TRAPPC9: variants seen among roughly 807,000 people sequenced by gnomAD.
TRAPPC9 encodes IKK2 binding protein.
Under a neutral mutation model 124.0 loss-of-function variants are expected in TRAPPC9, and 83 were observed. The ratio of observed to expected loss-of-function variants is 0.67; its 90% CI spans 0.56 to 0.80. The LOEUF (loss-of-function observed/expected upper bound fraction) is 0.80. TRAPPC9 is among the 30% of genes least tolerant of loss of function. The pLI is 0.00. For synonymous variants in TRAPPC9, 638 were observed against 617.5 expected (o/e 1.03, Z -0.49); for missense variants, 1,302 against 1,508.3 (o/e 0.86, Z 2.27).
At chr8:139,739,528 C>G (rs1314929176) in intron 21 of TRAPPC9, among the ~76,000 whole-genome samples, 2 of 152,246 alleles carry the variant, frequency 1.3e-5, no homozygotes, top group African/African-American at 4.8e-5. Flanking sequence ...CGCCACTGCT[C>G]CCTGGCCATC....
chr8:139,988,631 G>C, intron 19 of TRAPPC9, 95 bp downstream of exon 19: 1 of 817,342 alleles, frequency 1.2e-6, no homozygotes, highest in South Asian at 1.4e-5. Context: ...CCCATCCTCT[G>C]AGGACTTGGG....
At chr8:139,970,790 C>G (rs568184344) in intron 19 of TRAPPC9, among the ~76,000 whole-genome samples, 1 of 152,148 alleles carries the variant, frequency 6.6e-6, no homozygotes, top group Non-Finnish European at 1.5e-5. Context: ...GCCTGCAATG[C>G]GCAGCCCAGT....
At chr8:139,895,658 G>A (rs1014045649) in intron 20 of TRAPPC9, among the ~76,000 whole-genome samples, 1 of 152,210 alleles carries the variant, frequency 6.6e-6, no homozygotes, top group African/African-American at 2.4e-5. Context: ...CTGGGACGCT[G>A]GGACACAGCT....
intron 9 of TRAPPC9, among the ~76,000 whole-genome samples, chr8:140,334,859 A>G (rs1001590318): frequency 6.6e-6 from 1 of 152,052 alleles, no homozygotes; most frequent in African/African-American, 2.4e-5. Flanking sequence ...ACTAAGCAAG[A>G]TAATAAGGAG....
At chr8:139,802,815 G>A (rs1328623697) in intron 21 of TRAPPC9, among the ~76,000 whole-genome samples, 1 of 152,170 alleles carries the variant, frequency 6.6e-6, no homozygotes, top group African/African-American at 2.4e-5. Context: ...AGCGGGGTGT[G>A]GAATGTGAAG....
At position 140,081,346 on chromosome 8, in the gene TRAPPC9, C is replaced by CATTTTTTTTTTTTTTTTTTT. The variant is rs35254769; in HGVS notation, c.2557-57268_2557-57267insAAAAAAAAAAAAAAAAAAAT. ...GTCAAGGTGAAGAATAAAATGAATG[C>CATTTTTTTTTTTTTTTTTTT]TTTTTTTTTTTTTTTTTGAGACAGA... On this transcript the variant is annotated intron_variant, in intron 17 of 22. Coordinates refer to ENST00000438773, the MANE Select transcript of TRAPPC9 (RefSeq NM_001160372.4). Among the ~76,000 whole-genome samples, 3 of 141,050 alleles carry CATTTTTTTTTTTTTTTTTTT rather than the reference C, an allele frequency of 2.1e-5. 1 individual carries two copies. Among genetic ancestry groups the CATTTTTTTTTTTTTTTTTTT allele is most frequent in the Non-Finnish European group, 3.0e-5 (2 of 66,052 alleles). 92.5% of individuals were successfully genotyped at this position (141,050 alleles called of 152,430 possible).
intron 7 of TRAPPC9, among the ~76,000 whole-genome samples, chr8:140,383,433 G>T (rs370294815): frequency 1.3e-5 from 2 of 152,280 alleles, no homozygotes; most frequent in East Asian, 3.9e-4. Context: ...TAGACAAATG[G>T]CTAACTAGAA....
chr8:140,195,929 CAT>C (rs2062649794), intron 17 of TRAPPC9, among the ~76,000 whole-genome samples: 1 of 73,182 alleles, frequency 1.4e-5, no homozygotes, highest in South Asian at 3.1e-4. Context: ...AACGATCCAC[CAT>C]ACAGATCACA....
At chr8:139,955,433 C>T (rs1834908819) in intron 19 of TRAPPC9, among the ~76,000 whole-genome samples, 1 of 151,878 alleles carries the variant, frequency 6.6e-6, no homozygotes, top group Non-Finnish European at 1.5e-5. Flanking sequence ...CAAGAGCAAA[C>T]TTGGTTTCAA....
chr8:140,358,797 C>T (rs2067834802), intron 9 of TRAPPC9, among the ~76,000 whole-genome samples: 1 of 152,136 alleles, frequency 6.6e-6, no homozygotes, highest in South Asian at 2.1e-4. Context: ...GGAGGAGAGG[C>T]CCGTTCCCCA....
At chr8:140,250,827 G>A (rs149164877) in intron 16 of TRAPPC9, among the ~76,000 whole-genome samples, 118 of 152,272 alleles carry the variant, frequency 7.7e-4, no homozygotes, top group African/African-American at 2.7e-3. Flanking sequence ...CCAGCAATCA[G>A]GCCAGCCTCA....
chr8:139,942,177 C>T (rs766634660), intron 19 of TRAPPC9, among the ~76,000 whole-genome samples: 10 of 152,152 alleles, frequency 6.6e-5, no homozygotes, highest in Non-Finnish European at 1.0e-4. Flanking sequence ...TAACAGGGGG[C>T]GGCCACGTAG....
chr8:139,974,166 TGA>T (rs924096603), intron 19 of TRAPPC9, among the ~76,000 whole-genome samples: 9 of 152,174 alleles, frequency 5.9e-5, no homozygotes, highest in African/African-American at 2.2e-4. Context: ...ATGGGGAATC[TGA>T]GATAATAAGA....
intron 21 of TRAPPC9, among the ~76,000 whole-genome samples, chr8:139,795,901 C>T (rs559743518): frequency 2.6e-5 from 4 of 152,136 alleles, no homozygotes; most frequent in African/African-American, 7.2e-5. Flanking sequence ...CCACGGTGAA[C>T]GTTCACTGAA....
intron 20 of TRAPPC9, among the ~76,000 whole-genome samples, chr8:139,893,786 A>G (rs1830494129): frequency 6.6e-6 from 1 of 152,228 alleles, no homozygotes; most frequent in African/African-American, 2.4e-5. Context: ...AAGTCGGCAC[A>G]CACAGCCAGT....
chr8:139,958,984 G>A (rs1353186359), intron 19 of TRAPPC9, among the ~76,000 whole-genome samples: 10 of 151,408 alleles, frequency 6.6e-5, no homozygotes, highest in African/African-American at 2.4e-4. Context: ...GAGTCACACG[G>A]GGGAGCACTG....
At chr8:139,843,941 C>G (rs900188363) in intron 21 of TRAPPC9, among the ~76,000 whole-genome samples, 22 of 152,258 alleles carry the variant, frequency 1.4e-4, no homozygotes, top group African/African-American at 5.3e-4. Flanking sequence ...GACTCCAGCG[C>G]TGGGCCCTCA....
At chr8:140,376,849 CACA>C (rs997636255) in intron 7 of TRAPPC9, among the ~76,000 whole-genome samples, 33 of 139,638 alleles carry the variant, frequency 2.4e-4, no homozygotes, top group Admixed American at 2.1e-3. Flanking sequence ...TGCACTTCAG[CACA>C]ACAAGAGCGA....
At chr8:140,132,544 A>G (rs964637007) in intron 17 of TRAPPC9, among the ~76,000 whole-genome samples, 1 of 152,182 alleles carries the variant, frequency 6.6e-6, no homozygotes, top group Non-Finnish European at 1.5e-5. Flanking sequence ...CAAGCCCACC[A>G]ACGCAGAGCT....
Sources: allele counts gnomAD v4.1 joint callset (sites outside exome capture counted in the v4.1 genomes callset), GRCh38; gene constraint gnomAD v4.1.1; transcripts MANE v1.5; gene names NCBI Gene and HGNC (gene_info 2026-07-23, HGNC 2026-07-21).